SLMAP: variants seen among roughly 807,000 people sequenced by gnomAD.
SLMAP encodes the protein sarcolemmal membrane-associated protein.
A neutral mutation model predicts 128.8 loss-of-function variants in SLMAP; 44 were observed. The observed-to-expected ratio is 0.34, with a 90% confidence interval of 0.27 to 0.44. The LOEUF is 0.44. SLMAP is among the 20% of genes least tolerant of loss of function. The probability of loss-of-function intolerance (pLI) is 1.00; values close to 1 mark genes in which losing one functional copy is unlikely to be tolerated. For synonymous variants in SLMAP, 327 were observed against 348.8 expected (o/e 0.94, Z 0.70); for missense variants, 787 against 985.3 (o/e 0.80, Z 2.69).
chr3:57,816,717 G>A (rs1386043175), intron 2 of SLMAP, among the ~76,000 whole-genome samples: 1 of 152,182 alleles, frequency 6.6e-6, no homozygotes, highest in Non-Finnish European at 1.5e-5. Context: ...GCTTAACTTG[G>A]AATAAAGCCT....
chr3:57,922,839 C>T lies in SLMAP; in HGVS notation c.2311-50C>T, dbSNP rs770860460. 21 of 1,561,092 alleles carry T rather than the reference C, an allele frequency of 1.3e-5. No individual in the cohort carries two copies. The Admixed American group carries it at 3.6e-4, about 27-fold the overall frequency. ...ATAAACCTGATTAGAACCATAACAT[C>T]ATACCCATTTTAAGTTGTATCTGCA... is the stretch of plus-strand genomic sequence containing the variant. On this transcript the variant is annotated intron_variant, in intron 22 of 24. Coordinates refer to ENST00000671191, the MANE Select transcript of SLMAP (RefSeq NM_001377540.1).
intron 6 of SLMAP, among the ~76,000 whole-genome samples, chr3:57,851,440 G>A (rs775663536): frequency 1.3e-5 from 2 of 150,238 alleles, no homozygotes; most frequent in Non-Finnish European, 3.0e-5. Context: ...AAAACTCCTG[G>A]ATCAGGAGAT....
At chr3:57,810,050 C>T (rs1023582117) in intron 2 of SLMAP, among the ~76,000 whole-genome samples, 6 of 152,130 alleles carry the variant, frequency 3.9e-5, no homozygotes, top group South Asian at 2.1e-4. Context: ...ACCTGGAGCT[C>T]CCCAAGCCAG....
Position 57,895,678 on chromosome 3 carries a change from A to C in SLMAP, c.1361-833A>C, listed in dbSNP as rs372780294. ...TTTTCTTGGCCAGGTGCAGTGGCTC[A>C]TGCCTGTAATTCTAGTGCTTTGGGA... is the stretch of plus-strand genomic sequence containing the variant. On this transcript the variant is annotated intron_variant, in intron 15 of 24. Coordinates refer to ENST00000671191, the MANE Select transcript of SLMAP (RefSeq NM_001377540.1). Among the ~76,000 whole-genome samples, 4 of 152,088 alleles carry C rather than the reference A, an allele frequency of 2.6e-5. No individual in the cohort carries two copies. The South Asian group carries it at 8.3e-4, about 32-fold the overall frequency.
intron 8 of SLMAP, among the ~76,000 whole-genome samples, chr3:57,858,940 C>T (rs942227159): frequency 6.6e-6 from 1 of 151,868 alleles, no homozygotes; most frequent in Non-Finnish European, 1.5e-5. Flanking sequence ...GAAACTCTGT[C>T]TCAACAACAA....
At chr3:57,823,667 C>A (rs1022959223) in intron 2 of SLMAP, among the ~76,000 whole-genome samples, 4 of 151,912 alleles carry the variant, frequency 2.6e-5, no homozygotes, top group Non-Finnish European at 5.9e-5. Context: ...GTGAATAGTG[C>A]CGCAGTAAAC....
intron 2 of SLMAP, among the ~76,000 whole-genome samples, chr3:57,781,078 TA>T (rs922742818): frequency 1.9e-4 from 29 of 151,264 alleles, no homozygotes; most frequent in Non-Finnish European, 1.5e-4. Flanking sequence ...AAAAATAGAA[TA>T]AAAAAATAAA....
intron 2 of SLMAP, among the ~76,000 whole-genome samples, chr3:57,794,376 T>TA (rs1275083113): frequency 6.6e-6 from 1 of 152,222 alleles, no homozygotes; most frequent in Non-Finnish European, 1.5e-5. Flanking sequence ...GTCACATACT[T>TA]ACAGTCTTAT....
chr3:57,793,054 A>G (rs1315963823), intron 2 of SLMAP, among the ~76,000 whole-genome samples: 1 of 152,134 alleles, frequency 6.6e-6, no homozygotes, highest in Non-Finnish European at 1.5e-5. Context: ...TGGGAGGATC[A>G]CTTGAGTCCA....
At chr3:57,849,859 T>C (rs757233131) in intron 6 of SLMAP, 43 bp downstream of exon 6, 3 of 1,127,824 alleles carry the variant, frequency 2.7e-6, no homozygotes, top group Non-Finnish European at 4.1e-6. Flanking sequence ...GAATTTCTTT[T>C]AAACTTTTAA....
chr3:57,911,235 T>C (rs1187556028), intron 19 of SLMAP, among the ~76,000 whole-genome samples: 2 of 152,200 alleles, frequency 1.3e-5, no homozygotes, highest in African/African-American at 4.8e-5. Flanking sequence ...CAACAAATCA[T>C]GATCATCTTC....
chr3:57,802,156 C>T (rs531038645), intron 2 of SLMAP, among the ~76,000 whole-genome samples: 3 of 152,150 alleles, frequency 2.0e-5, no homozygotes, highest in Non-Finnish European at 4.4e-5. Context: ...TACAGTTACG[C>T]AACGATCACT....
chr3:57,888,029 C>G (rs573026348), intron 14 of SLMAP, among the ~76,000 whole-genome samples: 4 of 152,184 alleles, frequency 2.6e-5, no homozygotes, highest in Non-Finnish European at 4.4e-5. Flanking sequence ...TTCAGAGAAG[C>G]AAAATCACAA....
chr3:57,761,495 A>G (rs1303506086), intron 2 of SLMAP, among the ~76,000 whole-genome samples: 2 of 151,504 alleles, frequency 1.3e-5, no homozygotes, highest in East Asian at 2.0e-4. Context: ...GGGTTTCACC[A>G]TGTTGGCCAG....
At chr3:57,911,360 C>T (rs1381028574) in intron 19 of SLMAP, among the ~76,000 whole-genome samples, 1 of 152,186 alleles carries the variant, frequency 6.6e-6, no homozygotes, top group African/African-American at 2.4e-5. Flanking sequence ...TTTCTCCCAT[C>T]CCTAAATCCT....
Position 57,864,321 on chromosome 3 carries a change from C to T in SLMAP, c.967-227C>T, listed in dbSNP as rs142596554. Among the ~76,000 whole-genome samples the T allele has an allele frequency of 4.1e-3, 625 of 152,112 alleles. 6 individuals are homozygous for T. Among genetic ancestry groups the T allele is most frequent in the African/African-American group, 0.015 (608 of 41,510 alleles). ...ACTTGGGAGGCTGAGGCAGGAGAAT[C>T]ACTCGAACCCGGGAGGCGGAGGTTG... On this transcript the variant is annotated intron_variant, in intron 10 of 24. Coordinates refer to ENST00000671191, the MANE Select transcript of SLMAP (RefSeq NM_001377540.1).
chr3:57,850,545 A>T (rs2094462482), intron 6 of SLMAP, among the ~76,000 whole-genome samples: 1 of 152,142 alleles, frequency 6.6e-6, no homozygotes, highest in Non-Finnish European at 1.5e-5. Flanking sequence ...CAACCTCCCA[A>T]AGTGCTGGGA....
At chr3:57,914,236 A>G (rs2096762071) in intron 21 of SLMAP, among the ~76,000 whole-genome samples, 1 of 152,034 alleles carries the variant, frequency 6.6e-6, no homozygotes, top group Non-Finnish European at 1.5e-5. Flanking sequence ...ATGAAACAAC[A>G]TCTCTACAAA....
At chr3:57,841,270 C>T (rs767338124) in intron 3 of SLMAP, 29 bp from the exon 4 acceptor site, 2 of 1,340,818 alleles carry the variant, frequency 1.5e-6, no homozygotes, top group Non-Finnish European at 2.1e-6. Flanking sequence ...ACAATTATTT[C>T]ATCCATATTA....
Sources: gnomAD v4.1 joint callset for allele counts (sites outside exome capture counted in the v4.1 genomes callset) on GRCh38, gnomAD v4.1.1 for gene constraint, MANE v1.5 for transcripts, NCBI Gene and HGNC (gene_info 2026-07-23, HGNC 2026-07-21) for gene names.